The following KCNIP4 variants were observed in gnomAD, a reference collection of about 807,000 sequenced individuals.
The protein encoded by KCNIP4 is potassium voltage-gated channel interacting protein 4, also known as Kv channel-interacting protein 4.
Under a neutral mutation model 34.0 loss-of-function variants are expected in KCNIP4, and 12 were observed. The observed-to-expected ratio is 0.35, with a 90% CI of 0.23 to 0.57. The LOEUF (loss-of-function observed/expected upper bound fraction) is 0.57. Ranked by LOEUF, KCNIP4 falls within the 20% of genes least tolerant of loss-of-function variation. The probability of loss-of-function intolerance (pLI) is 0.83; values close to 1 mark genes in which losing one functional copy is unlikely to be tolerated. For missense variants in KCNIP4, 238 were observed against 311.7 expected (o/e 0.76, Z 1.78); for synonymous variants, 124 against 102.2 (o/e 1.21, Z -1.29).
At chr4:21,347,696 G>C (rs192987180) in intron 1 of KCNIP4, among the ~76,000 whole-genome samples, 2 of 152,186 alleles carry the variant, frequency 1.3e-5, no homozygotes, top group African/African-American at 4.8e-5. Context: ...GGAGTATAGT[G>C]CTTGGCACAT....
chr4:21,142,297 G>C (rs1029362483), intron 1 of KCNIP4, among the ~76,000 whole-genome samples: 1 of 152,108 alleles, frequency 6.6e-6, no homozygotes. Context: ...TGAATAGTTT[G>C]ATCTGAAATG....
At chr4:21,305,119 T>C (rs577465985) in intron 1 of KCNIP4, among the ~76,000 whole-genome samples, 1 of 152,124 alleles carries the variant, frequency 6.6e-6, no homozygotes, top group East Asian at 1.9e-4. Context: ...AGAGACAGCA[T>C]CTTAGAAAGC....
At chr4:21,790,434 A>T (rs188913639) in intron 1 of KCNIP4, among the ~76,000 whole-genome samples, 79 of 152,298 alleles carry the variant, frequency 5.2e-4, no homozygotes, top group Non-Finnish European at 8.5e-4. Flanking sequence ...CACATACACC[A>T]GAATAGGAGA....
chr4:21,626,312 T>A (rs1286229076), intron 1 of KCNIP4, among the ~76,000 whole-genome samples: 1 of 152,020 alleles, frequency 6.6e-6, no homozygotes, highest in Non-Finnish European at 1.5e-5. Context: ...TAGGGTTAGA[T>A]GAGGCCACGA....
intron 1 of KCNIP4, among the ~76,000 whole-genome samples, chr4:20,899,786 T>A (rs541629472): frequency 6.6e-6 from 1 of 152,176 alleles, no homozygotes; most frequent in Non-Finnish European, 1.5e-5. Flanking sequence ...ACTCTGGACA[T>A]CCTTATTAGC....
At chr4:21,055,782 G>A (rs900972934) in intron 1 of KCNIP4, among the ~76,000 whole-genome samples, 1 of 152,164 alleles carries the variant, frequency 6.6e-6, no homozygotes, top group African/African-American at 2.4e-5. Flanking sequence ...ACCAAGGGTT[G>A]GCAGAAAGGG....
chr4:20,870,488 C>G (rs751469981), intron 2 of KCNIP4, among the ~76,000 whole-genome samples: 1 of 152,098 alleles, frequency 6.6e-6, no homozygotes, highest in Non-Finnish European at 1.5e-5. Context: ...TTAGGTAGTT[C>G]TTTCTAGCAA....
chr4:21,128,385 A>C (rs905521165), intron 1 of KCNIP4, among the ~76,000 whole-genome samples: 3 of 152,272 alleles, frequency 2.0e-5, no homozygotes, highest in Non-Finnish European at 2.9e-5. Flanking sequence ...AACATGACAC[A>C]GGAATCATAA....
chr4:21,188,997 C>A (rs181513387), intron 1 of KCNIP4, among the ~76,000 whole-genome samples: 1 of 152,300 alleles, frequency 6.6e-6, no homozygotes, highest in East Asian at 1.9e-4. Context: ...TAAAACCTTA[C>A]ACACTCTTTG....
intron 1 of KCNIP4, among the ~76,000 whole-genome samples, chr4:21,721,513 T>A (rs73115713): frequency 0.019 from 2,897 of 152,302 alleles, 80 homozygotes; most frequent in African/African-American, 0.067. Context: ...TCAGCTATAA[T>A]CAACATAGTT....
At chr4:20,850,964 T>C (rs1423732523) in intron 2 of KCNIP4, among the ~76,000 whole-genome samples, 1 of 152,234 alleles carries the variant, frequency 6.6e-6, no homozygotes, top group Non-Finnish European at 1.5e-5. Context: ...CAGTGGATTA[T>C]ATGATTACGT....
At chr4:20,926,066 T>G (rs1729871618) in intron 1 of KCNIP4, among the ~76,000 whole-genome samples, 2 of 152,216 alleles carry the variant, frequency 1.3e-5, no homozygotes. Flanking sequence ...TCAATTATAT[T>G]TTTTATACAA....
intron 1 of KCNIP4, among the ~76,000 whole-genome samples, chr4:21,145,173 C>A (rs17505904): frequency 2.0e-5 from 3 of 152,246 alleles, no homozygotes; most frequent in African/African-American, 4.8e-5. Flanking sequence ...AAACTCCCTG[C>A]AACTCCACCT....
intron 1 of KCNIP4, among the ~76,000 whole-genome samples, chr4:21,370,720 A>ACAG (rs897604040): frequency 3.0e-5 from 4 of 134,434 alleles, no homozygotes; most frequent in African/African-American, 1.4e-4. Context: ...CTTGCCAGGT[A>ACAG]CAGGAGGTAG....
chr4:21,104,273 A>G (rs573023663), intron 1 of KCNIP4, among the ~76,000 whole-genome samples: 36 of 152,112 alleles, frequency 2.4e-4, no homozygotes, highest in African/African-American at 8.7e-4. Context: ...CTGACATTTT[A>G]ATGATCGCCA....
At chr4:21,774,436 G>A (rs1187495944) in intron 1 of KCNIP4, among the ~76,000 whole-genome samples, 1 of 152,022 alleles carries the variant, frequency 6.6e-6, no homozygotes, top group African/African-American at 2.4e-5. Context: ...TTCTCATGTT[G>A]TATCTTAATG....
At chr4:21,236,991 G>C (rs1474716028) in intron 1 of KCNIP4, among the ~76,000 whole-genome samples, 1 of 150,740 alleles carries the variant, frequency 6.6e-6, no homozygotes, top group Admixed American at 6.6e-5. Context: ...GGGTGACAGA[G>C]GGAGACTCCA....
intron 2 of KCNIP4, among the ~76,000 whole-genome samples, chr4:20,858,855 CA>C (rs1721900049): frequency 6.6e-6 from 1 of 152,142 alleles, no homozygotes; most frequent in African/African-American, 2.4e-5. Flanking sequence ...CCTCATTTTA[CA>C]AGGAGTAAAT....
chr4:20,749,155 CA>C (rs1553888859), intron 5 of KCNIP4, among the ~76,000 whole-genome samples: 27,551 of 128,646 alleles, frequency 0.21, 2,631 homozygotes, highest in Middle Eastern at 0.28. Flanking sequence ...GAGACTCTTT[CA>C]AAAAAAAAAA....
Sources: allele counts gnomAD v4.1 joint callset (sites outside exome capture counted in the v4.1 genomes callset), GRCh38; gene constraint gnomAD v4.1.1; transcripts MANE v1.5; gene names NCBI Gene and HGNC (gene_info 2026-07-23, HGNC 2026-07-21).